MOB4: variants seen among roughly 807,000 people sequenced by gnomAD.
MOB4 encodes the protein MOB-like protein phocein.
Under a neutral mutation model 32.2 loss-of-function variants are expected in MOB4, and 4 were observed. The observed-to-expected ratio is 0.12, with a 90% CI of 0.06 to 0.28. The LOEUF (loss-of-function observed/expected upper bound fraction) is 0.28. Among genes scored for constraint, MOB4 ranks in the 10% least tolerant of loss-of-function variants. The pLI is 1.00. For synonymous variants in MOB4, 88 were observed against 88.1 expected (o/e 1.00, Z 0.01); for missense variants, 158 against 271.2 (o/e 0.58, Z 2.93).
intron 1 of MOB4, among the ~76,000 whole-genome samples, chr2:197,520,268 C>T (rs567407354): frequency 2.0e-5 from 3 of 151,620 alleles, no homozygotes; most frequent in East Asian, 3.9e-4. Context: ...CTGCAAACTC[C>T]GCTTCCTGGG....
Position 197,516,972 on chromosome 2 carries a change from A to G in MOB4, c.60+826A>G, listed in dbSNP as rs553409014. ...TAATTGCTAGCCGAAATGGCTTGCTATAGACTAGATGCTCTGAAATCGGAA... is the reference window on the plus strand; with the variant it reads ...TAATTGCTAGCCGAAATGGCTTGCTGTAGACTAGATGCTCTGAAATCGGAA... On this transcript the variant is annotated intron_variant, in intron 1 of 7. Coordinates refer to ENST00000323303, the MANE Select transcript of MOB4 (RefSeq NM_015387.5). Among the ~76,000 whole-genome samples the G allele has an allele frequency of 2.1e-4, 32 of 152,370 alleles. 1 individual carries two copies. Among genetic ancestry groups the G allele is most frequent in the Admixed American group, 6.5e-4 (10 of 15,302 alleles).
chr2:197,528,361 A>G (rs2086642186), intron 2 of MOB4, among the ~76,000 whole-genome samples: 1 of 152,142 alleles, frequency 6.6e-6, no homozygotes, highest in Non-Finnish European at 1.5e-5. Context: ...GAAAATCAGT[A>G]TTCTACCACT....
chr2:197,538,362 G>C (rs1462801570), intron 3 of MOB4, among the ~76,000 whole-genome samples: 1 of 141,382 alleles, frequency 7.1e-6, no homozygotes, highest in African/African-American at 2.6e-5. Context: ...ATTGTATTGT[G>C]TACATTTTAT....
At position 197,551,301 on chromosome 2, in the gene MOB4, C is replaced by T. The variant is rs1436315372; in HGVS notation, c.*655C>T. ...CGGACTGGTACATACAGGATGATCA[C>T]AATGGTAAGGCACATAAATTATTTT... On this transcript the variant is annotated 3_prime_UTR_variant, in exon 8 of 8. Transcript: ENST00000323303. 1 of 152,660 alleles carries T rather than the reference C, an allele frequency of 6.6e-6. No homozygotes were observed. The highest frequency in any genetic ancestry group is 1.5e-5 in the Non-Finnish European group (1 of 68,024). The allele number at this position is 152,660 out of a possible 1,614,324, so 9.5% of individuals were successfully genotyped here. A position where few individuals can be genotyped will look rare whatever the true frequency, so the allele number is the denominator to read the frequency against.
In MOB4 at chr2:197,551,890, T is replaced by C. The variant is rs940045440; in HGVS notation, c.*1244T>C. ...CTGGAGGTCTTATTGCCAAACTGAT[T>C]GTAATGAGGCAGTAAGGGTGAAAAC... On this transcript the variant is annotated 3_prime_UTR_variant, in exon 8 of 8. Transcript: ENST00000323303. 1 of 152,340 alleles carries C rather than the reference T, an allele frequency of 6.6e-6. No homozygotes were observed. Among genetic ancestry groups the C allele is most frequent in the African/African-American group, 2.4e-5 (1 of 41,454 alleles). The allele number at this position is 152,340 out of a possible 1,614,324, so 9.4% of individuals were successfully genotyped here. A position where few individuals can be genotyped will look rare whatever the true frequency, so the allele number is the denominator to read the frequency against.
rs1306225791 is a variant in MOB4 at position 197,552,358 on chromosome 2, ATAAAT to A, written c.*1715_*1719del. On this transcript the variant is annotated 3_prime_UTR_variant, in exon 8 of 8. Coordinates refer to ENST00000323303, the MANE Select transcript of MOB4 (RefSeq NM_015387.5). ...ATTGAGAAACTAAACTACTAAGTTA[ATAAAT>A]TATATATAGCAGTGTAGCTGTTCTC... The A allele has an allele frequency of 2.0e-5, 3 of 152,506 alleles. No homozygotes were observed. The highest frequency in any genetic ancestry group is 7.2e-5 in the African/African-American group (3 of 41,590). 9.4% of individuals were successfully genotyped at this position (152,506 alleles called of 1,614,324 possible). A position where few individuals can be genotyped will look rare whatever the true frequency, so the allele number is the denominator to read the frequency against.
intron 1 of MOB4, among the ~76,000 whole-genome samples, chr2:197,516,892 G>C (rs990420795): frequency 6.6e-6 from 1 of 152,150 alleles, no homozygotes; most frequent in African/African-American, 2.4e-5. Context: ...GGAAAAGATG[G>C]GATGCCTCAC....
chr2:197,517,876 A>C (rs1574620481), intron 1 of MOB4, among the ~76,000 whole-genome samples: 1 of 152,200 alleles, frequency 6.6e-6, no homozygotes, highest in Non-Finnish European at 1.5e-5. Context: ...GCGGTGGCTC[A>C]CGCCTGTAAT....
At chr2:197,522,714 C>A (rs1269539481) in intron 1 of MOB4, among the ~76,000 whole-genome samples, 3 of 151,910 alleles carry the variant, frequency 2.0e-5, no homozygotes, top group African/African-American at 4.8e-5. Context: ...TTTATAATTT[C>A]TTTTTAAAAT....
intron 3 of MOB4, 141 bp downstream of exon 3, chr2:197,535,771 A>G: frequency 1.1e-6 from 1 of 878,862 alleles, no homozygotes. Context: ...TCAGTGTCAC[A>G]AGGTTCTCAG....
chr2:197,520,440 T>A (rs2086495946), intron 1 of MOB4, among the ~76,000 whole-genome samples: 1 of 152,158 alleles, frequency 6.6e-6, no homozygotes, highest in Admixed American at 6.6e-5. Context: ...CTAAACTTTA[T>A]TCATTTTATA....
Position 197,551,955 on chromosome 2 carries a change from T to G in MOB4, c.*1309T>G, listed in dbSNP as rs2106143373. On this transcript the variant is annotated 3_prime_UTR_variant, in exon 8 of 8. Transcript: ENST00000323303. ...GAAGAAAGTATTTAAATCCAACTTT[T>G]GAACAGATTTAACAAACATGAGGAA... 6.6e-6 allele frequency: 1 copy of G among 152,414 alleles called. No individual in the cohort carries two copies. The highest frequency in any genetic ancestry group is 2.1e-4 in the South Asian group (1 of 4,832). 9.4% of individuals were successfully genotyped at this position (152,414 alleles called of 1,614,324 possible).
chr2:197,517,776 A>T (rs923497350), intron 1 of MOB4, among the ~76,000 whole-genome samples: 1 of 152,218 alleles, frequency 6.6e-6, no homozygotes, highest in Non-Finnish European at 1.5e-5. Context: ...AGTGAAATGG[A>T]TCTGTTCTAA....
intron 2 of MOB4, among the ~76,000 whole-genome samples, chr2:197,533,051 A>G (rs1435484120): frequency 6.6e-6 from 1 of 152,166 alleles, no homozygotes; most frequent in East Asian, 1.9e-4. Context: ...GTGAGCTGAG[A>G]TTGCGCCACT....
At chr2:197,530,759 C>G (rs1424113750) in intron 2 of MOB4, among the ~76,000 whole-genome samples, 1 of 152,036 alleles carries the variant, frequency 6.6e-6, no homozygotes, top group Non-Finnish European at 1.5e-5. Flanking sequence ...CACCACCATG[C>G]CTGACTAATT....
rs947033831 is a variant in MOB4 at position 197,518,068 on chromosome 2, G to T, written c.60+1922G>T. Among the ~76,000 whole-genome samples, 4 of 151,946 alleles carry T rather than the reference G, an allele frequency of 2.6e-5. No homozygotes were observed. In the East Asian group the frequency reaches 7.9e-4, roughly 30 times the overall value. On this transcript the variant is annotated intron_variant, in intron 1 of 7. Coordinates refer to ENST00000323303, the MANE Select transcript of MOB4 (RefSeq NM_015387.5). ...AGGCAGGAGAATCGCTTGAACCCGG[G>T]AGGCGGAGGTTGCAGTGAGCCGGAA...
chr2:197,530,049 A>G (rs1488709828), intron 2 of MOB4, among the ~76,000 whole-genome samples: 11 of 149,382 alleles, frequency 7.4e-5, no homozygotes, highest in Non-Finnish European at 1.5e-4. Flanking sequence ...GCCTCACTGC[A>G]ATCCCCACCC....
In MOB4 at chr2:197,538,480, A is replaced by C. The variant is rs758086038; in HGVS notation, c.225-1631A>C. On this transcript the variant is annotated intron_variant, in intron 3 of 7. Coordinates refer to ENST00000323303, the MANE Select transcript of MOB4 (RefSeq NM_015387.5). ...ATGCAGTTGATTATATAATGATGTT[A>C]ATTTAGATTGGGTCATGACTTCAGT... 6.7e-5 allele frequency among the ~76,000 whole-genome samples: 10 copies of C among 149,986 alleles called. No homozygotes were observed. The East Asian group carries it at 1.8e-3, about 27-fold the overall frequency.
intron 1 of MOB4, among the ~76,000 whole-genome samples, chr2:197,523,115 GTT>G (rs1201984845): frequency 6.6e-6 from 1 of 150,764 alleles, no homozygotes; most frequent in Admixed American, 6.6e-5. Context: ...GGTGTCTGGA[GTT>G]TTTTTTTCAT....
Sources: allele counts gnomAD v4.1 joint callset (sites outside exome capture counted in the v4.1 genomes callset), GRCh38; gene constraint gnomAD v4.1.1; transcripts MANE v1.5; gene names NCBI Gene and HGNC (gene_info 2026-07-23, HGNC 2026-07-21).